ZNF44: variants seen among roughly 807,000 people sequenced by gnomAD.
ZNF44 encodes gonadotropin inducible transcription repressor-2.
Under a neutral mutation model 11.7 loss-of-function variants are expected in ZNF44, and 9 were observed. The observed-to-expected ratio is 0.77, with a 90% CI of 0.46 to 1.35. The LOEUF (loss-of-function observed/expected upper bound fraction) is 1.35. Ranked by LOEUF, ZNF44 falls within the 40% of genes most tolerant of loss-of-function variation. ZNF44 has a pLI of 0.00. For synonymous variants in ZNF44, 224 were observed against 242.7 expected (o/e 0.92, Z 0.72); for missense variants, 696 against 743.1 (o/e 0.94, Z 0.74).
At chr19:12,249,138 C>T (rs2438564) in intron 7 of ZNF44, among the ~76,000 whole-genome samples, 9,360 of 151,950 alleles carry the variant, frequency 0.062, 974 homozygotes, top group African/African-American at 0.22. Flanking sequence ...CCACCCACCT[C>T]GGCTTCCCAA....
At chr19:12,256,344 C>A (rs766406758) in intron 5 of ZNF44, among the ~76,000 whole-genome samples, 7 of 151,990 alleles carry the variant, frequency 4.6e-5, no homozygotes, top group Non-Finnish European at 1.0e-4. Flanking sequence ...AAAAAATTAG[C>A]CAGGCATGGT....
chr19:12,229,081 TATTTG>T (rs1453073558), intron 3 of ZNF44, among the ~76,000 whole-genome samples: 5 of 152,222 alleles, frequency 3.3e-5, no homozygotes, highest in African/African-American at 1.2e-4. Context: ...CCCTTAAAAA[TATTTG>T]ATTTAAGCAC....
chr19:12,290,128 G>C (rs770779087), intron 1 of ZNF44, among the ~76,000 whole-genome samples: 4 of 152,040 alleles, frequency 2.6e-5, no homozygotes, highest in African/African-American at 4.8e-5. Flanking sequence ...GCTCACGCCT[G>C]TAATCCCAGC....
upstream of ZNF44, among the ~76,000 whole-genome samples, chr19:12,238,911 A>C (rs1916502936): frequency 6.6e-6 from 1 of 152,200 alleles, no homozygotes; most frequent in African/African-American, 2.4e-5. Flanking sequence ...CCAGGTTCTG[A>C]CTGCTGTAAC....
chr19:12,275,174 A>G (rs2459041), intron 2 of ZNF44, 141 bp from the exon 3 acceptor site: 177,780 of 512,068 alleles, frequency 0.35, 36,779 homozygotes, highest in African/African-American at 0.77. Context: ...TTTGAACTGC[A>G]CAAGTCCATT....
exon 8 of ZNF44, chr19:12,247,859 A>T: frequency 7.6e-7 from 1 of 1,308,188 alleles, no homozygotes; most frequent in Non-Finnish European, 1.0e-6. Flanking sequence ...GTTTACATTC[A>T]TAGTGTTTCT....
At chr19:12,239,568 A>ATT (rs1158604076), upstream of ZNF44, among the ~76,000 whole-genome samples, 1,135 of 75,924 alleles carry the variant, frequency 0.015, 36 homozygotes, top group African/African-American at 0.031. Context: ...CCCAAGTTGC[A>ATT]TTTTTTTTTT....
chr19:12,276,885 A>T (rs1387228986), intron 1 of ZNF44, among the ~76,000 whole-genome samples: 3 of 152,190 alleles, frequency 2.0e-5, no homozygotes, highest in African/African-American at 7.2e-5. Flanking sequence ...CTAGACACTC[A>T]GCCCCCTCAT....
intron 2 of ZNF44, 59 bp downstream of exon 2, chr19:12,275,897 T>A: frequency 2.0e-6 from 3 of 1,520,646 alleles, no homozygotes; most frequent in Admixed American, 3.7e-5. Flanking sequence ...TGAACAGCAT[T>A]GATGACCACA....
intron 1 of ZNF44, chr19:12,293,193 T>C (rs2145777066): frequency 2.0e-6 from 3 of 1,524,516 alleles, no homozygotes; most frequent in South Asian, 2.4e-5. Context: ...TTTACAGGAA[T>C]GATATACCAG....
At chr19:12,285,588 T>C (rs1967699954) in intron 1 of ZNF44, among the ~76,000 whole-genome samples, 1 of 152,206 alleles carries the variant, frequency 6.6e-6, no homozygotes, top group Non-Finnish European at 1.5e-5. Flanking sequence ...GCTATTATGA[T>C]TTCCTAGTAA....
intron 5 of ZNF44, among the ~76,000 whole-genome samples, chr19:12,253,920 A>G (rs2145695452): frequency 6.6e-6 from 1 of 152,322 alleles, no homozygotes; most frequent in African/African-American, 2.4e-5. Context: ...CAGGGGTTAC[A>G]GTGGGCCCAG....
intron 2 of ZNF44, among the ~76,000 whole-genome samples, chr19:12,232,424 T>A (rs1916202457): frequency 6.6e-6 from 1 of 152,192 alleles, no homozygotes; most frequent in African/African-American, 2.4e-5. Flanking sequence ...CGAGGCCATA[T>A]TTCAGACTAT....
In ZNF44 at chr19:12,250,868, T is replaced by A. The variant is rs560621715; in HGVS notation, c.1913-500A>T. The A allele has an allele frequency of 2.2e-5, 10 of 454,036 alleles. No homozygotes were observed. In the East Asian group the frequency reaches 7.0e-4, roughly 32 times the overall value. The allele number at this position is 454,036 out of a possible 1,614,324, so 28.1% of individuals were successfully genotyped here. A position where few individuals can be genotyped will look rare whatever the true frequency, so the allele number is the denominator to read the frequency against. ...TGTAACAATATTTACCTGACCATATTGTCCTGAGGTACTCTAGGATATTCG... is the reference window on the plus strand; with the variant it reads ...TGTAACAATATTTACCTGACCATATAGTCCTGAGGTACTCTAGGATATTCG... On this transcript the variant is annotated intron_variant and NMD_transcript_variant, in intron 5 of 7. Coordinates refer to the ZNF44 transcript ENST00000393337.
At chr19:12,242,432 C>G (rs947183790), upstream of ZNF44, among the ~76,000 whole-genome samples, 1 of 151,086 alleles carries the variant, frequency 6.6e-6, no homozygotes, top group African/African-American at 2.4e-5. Flanking sequence ...ATAGCGTGAA[C>G]CTGGGAGGCG....
chr19:12,229,726 G>A (rs1646619824), intron 3 of ZNF44, among the ~76,000 whole-genome samples: 1 of 151,610 alleles, frequency 6.6e-6, no homozygotes, highest in Non-Finnish European at 1.5e-5. Context: ...CCATTCTTCT[G>A]CCTCAGCCTC....
chr19:12,230,903 C>T (rs542070542), intron 2 of ZNF44, among the ~76,000 whole-genome samples: 10 of 151,668 alleles, frequency 6.6e-5, no homozygotes, highest in East Asian at 3.9e-4. Context: ...TTTATGGGGG[C>T]GTTGGAATGT....
chr19:12,286,547 T>C (rs963826520), intron 1 of ZNF44, among the ~76,000 whole-genome samples: 4 of 147,386 alleles, frequency 2.7e-5, no homozygotes, highest in African/African-American at 7.6e-5. Flanking sequence ...GGCAGAAAAT[T>C]GCTTGAACCT....
chr19:12,273,095 T>C lies in ZNF44; in HGVS notation c.1160A>G (p.His387Arg). The change falls in exon 4 of 4, where the codon CAC (histidine) becomes CGC (arginine). Residue 387 changes from histidine to arginine, a missense_variant. Physicochemically the swap from His to Arg is conservative, Grantham distance 29. Transcript: ENST00000355684. ...RSSFRRHMMAHTGDGPHKCTV... is the reference protein window; with the variant it reads ...RSSFRRHMMARTGDGPHKCTV... Reference sequence around the variant, plus strand: ...GCATTTATGAGGGCCATCTCCAGTGTGTGCCATCATGTGTCTTCGAAAGCT... The same window carrying C: ...GCATTTATGAGGGCCATCTCCAGTGCGTGCCATCATGTGTCTTCGAAAGCT... 1 of 1,614,008 alleles carries C rather than the reference T, an allele frequency of 6.2e-7. No individual in the cohort carries two copies. The highest frequency in any genetic ancestry group is 8.5e-7 in the Non-Finnish European group (1 of 1,179,898).
Sources: allele counts gnomAD v4.1 joint callset (sites outside exome capture counted in the v4.1 genomes callset), GRCh38; gene constraint gnomAD v4.1.1; transcripts MANE v1.5; gene names NCBI Gene and HGNC (gene_info 2026-07-23, HGNC 2026-07-21).